The following NPTN variants were observed in gnomAD, a reference collection of about 807,000 sequenced individuals.
The protein encoded by NPTN is SDR-1.
NPTN carries 5 observed loss-of-function variants against 42.7 expected under a neutral mutation model. The ratio of observed to expected loss-of-function variants is 0.12; its 90% CI spans 0.06 to 0.25. The LOEUF is 0.25. Among genes scored for constraint, NPTN ranks in the 10% least tolerant of loss-of-function variants. The pLI, the probability that NPTN is intolerant of heterozygous loss-of-function variation, is 1.00. For missense variants in NPTN, 307 were observed against 525.4 expected, an observed-to-expected ratio of 0.58 and a Z score of 4.06; for synonymous variants, 180 against 201.9, an observed-to-expected ratio of 0.89 and a Z score of 0.92.
At chr15:73,603,762 A>G (rs1181651122) in intron 1 of NPTN, among the ~76,000 whole-genome samples, 5 of 152,250 alleles carry the variant, frequency 3.3e-5, no homozygotes, top group African/African-American at 1.2e-4. Context: ...TGAACAGGCC[A>G]AACTGTTAAT....
chr15:73,570,565 C>T lies in NPTN; in HGVS notation c.841-142G>A. 2.7e-6 allele frequency: 2 copies of T among 735,894 alleles called. No individual in the cohort carries two copies. The highest frequency in any genetic ancestry group is 2.2e-6 in the Non-Finnish European group (1 of 453,852). The allele number at this position is 735,894 out of a possible 1,614,324, so 45.6% of individuals were successfully genotyped here. ...TAGGAACATTTCATTAATGATTTCC[C>T]TTCAGTATCAACAACAACAAATCAA... On this transcript the variant is annotated intron_variant, in intron 5 of 8. Transcript: ENST00000345330. The surrounding 1 kb of genome is among the most constrained non-coding windows in gnomAD (Gnocchi z 4.0).
chr15:73,578,325 C>A (rs1189376640), intron 4 of NPTN, among the ~76,000 whole-genome samples: 2 of 152,128 alleles, frequency 1.3e-5, no homozygotes, highest in East Asian at 1.9e-4. Flanking sequence ...GGAAGCAAGA[C>A]CAAGCAGGAG....
intron 7 of NPTN, among the ~76,000 whole-genome samples, chr15:73,562,279 A>T (rs1187442151): frequency 6.6e-6 from 1 of 152,194 alleles, no homozygotes; most frequent in Admixed American, 6.5e-5. Context: ...TCCAATGAGC[A>T]TTTCCTTTGA....
At chr15:73,603,213 T>C (rs1897146829) in intron 1 of NPTN, among the ~76,000 whole-genome samples, 1 of 152,198 alleles carries the variant, frequency 6.6e-6, no homozygotes, top group African/African-American at 2.4e-5. Flanking sequence ...TAACATAGCT[T>C]AAAACAGTAC....
Position 73,633,283 on chromosome 15 carries a change from G to C in NPTN, c.-68C>G. 1 of 1,095,296 alleles carries C rather than the reference G, an allele frequency of 9.1e-7. No homozygotes were observed. Among genetic ancestry groups the C allele is most frequent in the Non-Finnish European group, 1.3e-6 (1 of 791,110 alleles). The allele number at this position is 1,095,296 out of a possible 1,614,324, so 67.8% of individuals were successfully genotyped here. A position where few individuals can be genotyped will look rare whatever the true frequency, so the allele number is the denominator to read the frequency against. On this transcript the variant is annotated 5_prime_UTR_variant, in exon 1 of 9. Transcript: ENST00000345330. The stretch of plus-strand genomic sequence containing the variant: ...AGCCGGGGCCGGGGAAGGGAGGGGA[G>C]GGAGGGAGGGGGCGGGCGAGTGCGC...
intron 4 of NPTN, among the ~76,000 whole-genome samples, chr15:73,580,944 G>C (rs1382541647): frequency 2.0e-5 from 3 of 151,986 alleles, no homozygotes; most frequent in African/African-American, 7.3e-5. Context: ...TGTAAAATAA[G>C]AGTAATACTC....
chr15:73,587,409 T>G, intron 4 of NPTN, 115 bp downstream of exon 4: 9 of 748,732 alleles, frequency 1.2e-5, no homozygotes, highest in Admixed American at 2.3e-5. Flanking sequence ...AACCACAACA[T>G]TATATTGTGT....
At chr15:73,588,196 T>G (rs1239678864) in intron 3 of NPTN, among the ~76,000 whole-genome samples, 5 of 152,194 alleles carry the variant, frequency 3.3e-5, no homozygotes, top group Non-Finnish European at 7.3e-5. Flanking sequence ...GCCAAGATCA[T>G]GCCAACGCAC....
intron 1 of NPTN, among the ~76,000 whole-genome samples, chr15:73,608,786 T>A (rs1595950772): frequency 6.6e-6 from 1 of 152,246 alleles, no homozygotes; most frequent in East Asian, 1.9e-4. Context: ...GTGGGAATGG[T>A]GAGAAGGTAA....
At chr15:73,581,694 T>C (rs1595914430) in intron 4 of NPTN, among the ~76,000 whole-genome samples, 1 of 152,184 alleles carries the variant, frequency 6.6e-6, no homozygotes, top group South Asian at 2.1e-4. Context: ...GGTCAGCTTC[T>C]AGGCCAGGCT....
rs1895321342 is a variant in NPTN at position 73,570,689 on chromosome 15, A to AC, written c.841-267_841-266insG. Among the ~76,000 whole-genome samples the AC allele has an allele frequency of 6.6e-6, 1 of 152,186 alleles. No individual in the cohort carries two copies. The highest frequency in any genetic ancestry group is 2.4e-5 in the African/African-American group (1 of 41,460). ...AGGTCCTACTGCCTGGAGACTCAGAAAAGTCCAACAACCTAGTAAATGCTG... is the reference window on the plus strand; with the variant it reads ...AGGTCCTACTGCCTGGAGACTCAGAACAAGTCCAACAACCTAGTAAATGCTG... On this transcript the variant is annotated intron_variant, in intron 5 of 8. Transcript: ENST00000345330. The surrounding 1 kb of genome is among the most constrained non-coding windows in gnomAD (Gnocchi z 4.0).
intron 2 of NPTN, 119 bp downstream of exon 2, chr15:73,596,903 C>A: frequency 4.9e-6 from 4 of 810,338 alleles, no homozygotes; most frequent in South Asian, 1.9e-5. Flanking sequence ...GAAAAAAAAA[C>A]GAAGACAAGG....
At chr15:73,610,361 A>C (rs1463486262) in intron 1 of NPTN, among the ~76,000 whole-genome samples, 1 of 152,108 alleles carries the variant, frequency 6.6e-6, no homozygotes, top group Non-Finnish European at 1.5e-5. Flanking sequence ...CTCCCAAAGT[A>C]CTGGGATTAC....
At chr15:73,609,660 C>T (rs1202727065) in intron 1 of NPTN, among the ~76,000 whole-genome samples, 2 of 152,000 alleles carry the variant, frequency 1.3e-5, no homozygotes, top group Admixed American at 1.3e-4. Flanking sequence ...AAAAAACACA[C>T]ACAAAGAATC....
chr15:73,561,604 C>T (rs1482594745), intron 8 of NPTN, among the ~76,000 whole-genome samples: 2 of 151,644 alleles, frequency 1.3e-5, no homozygotes, highest in East Asian at 3.9e-4. Context: ...TGCTTGAACC[C>T]GGGAGGCGGA....
In NPTN at chr15:73,633,179, A is replaced by G. The variant is rs1015172780; in HGVS notation, c.37T>C (p.Ser13Pro). ...GSSLPSALALSLLLVSGSLLP... is the reference protein window; with the variant it reads ...GSSLPSALALPLLLVSGSLLP... ...AGGGAGCCAGAGACCAGCAACAGCG[A>G]GAGGGCCAGGGCGCTGGGCAGCGAC... The change falls in exon 1 of 9, where the codon TCG becomes CCG. Residue 13 changes from serine (S) to proline (P), a missense_variant. This residue lies in a region of NPTN where 43 missense variants were observed against 34.3 expected (regional missense o/e 1.25). Coordinates refer to ENST00000345330, the MANE Select transcript of NPTN (RefSeq NM_012428.4). 2 of 1,521,292 alleles carry G rather than the reference A, an allele frequency of 1.3e-6. No individual in the cohort carries two copies. The highest frequency in any genetic ancestry group is 2.9e-5 in the African/African-American group (2 of 68,664). The allele number at this position is 1,521,292 out of a possible 1,614,324, so 94.2% of individuals were successfully genotyped here.
At chr15:73,633,091 C>T in intron 1 of NPTN, 34 bp downstream of exon 1, 1 of 1,378,172 alleles carries the variant, frequency 7.3e-7, no homozygotes, top group Non-Finnish European at 9.4e-7. Context: ...CGCCCCTCAA[C>T]CCCCGCCCGG....
intron 6 of NPTN, chr15:73,568,677 A>G (rs1294811645): frequency 8.1e-6 from 8 of 985,210 alleles, no homozygotes; most frequent in Non-Finnish European, 9.6e-6. Context: ...TCATGGGGAC[A>G]CTCCCAGGTT....
intron 4 of NPTN, among the ~76,000 whole-genome samples, chr15:73,582,028 G>T (rs1201802452): frequency 1.3e-5 from 2 of 152,082 alleles, no homozygotes; most frequent in South Asian, 4.1e-4. Flanking sequence ...TAGAGACGGG[G>T]TTTCACCACC....
Sources: allele counts gnomAD v4.1 joint callset (sites outside exome capture counted in the v4.1 genomes callset), GRCh38; gene constraint gnomAD v4.1.1; regional missense constraint gnomAD v4.1.1; non-coding constraint Gnocchi (gnomAD v3.1); transcripts MANE v1.5; gene names NCBI Gene and HGNC (gene_info 2026-07-23, HGNC 2026-07-21).